The following PC variants were observed in gnomAD, a reference collection of about 807,000 sequenced individuals.
PC encodes pyruvate carboxylase, also known as pyruvate carboxylase, mitochondrial.
In PC, 46 loss-of-function variants were observed where a neutral mutation model predicts 107.8. The observed-to-expected ratio is 0.43, with a 90% CI of 0.34 to 0.55. The LOEUF is 0.55. PC is among the 20% of genes least tolerant of loss of function. The pLI is 0.04. For missense variants in PC, 1,241 were observed against 1,643.1 expected, an observed-to-expected ratio of 0.76 and a Z score of 4.23; for synonymous variants, 662 against 684.7, an observed-to-expected ratio of 0.97 and a Z score of 0.52.
intron 3 of PC, among the ~76,000 whole-genome samples, chr11:66,926,696 G>C (rs1277852418): frequency 6.6e-6 from 1 of 152,070 alleles, no homozygotes; most frequent in East Asian, 1.9e-4. Context: ...AAGAAACCTG[G>C]TACCACTAGC....
intron 3 of PC, among the ~76,000 whole-genome samples, chr11:66,872,380 T>C (rs535082815): frequency 1.3e-5 from 2 of 152,126 alleles, no homozygotes; most frequent in African/African-American, 4.8e-5. Flanking sequence ...ACTGTGACTT[T>C]ATTGTTGTAG....
chr11:66,957,314 T>C (rs1055664244), intron 1 of PC, among the ~76,000 whole-genome samples: 5 of 152,176 alleles, frequency 3.3e-5, no homozygotes, highest in Admixed American at 6.5e-5. Context: ...TCTCACAAAA[T>C]AAAGACACAA....
At chr11:66,935,171 T>C (rs950013576) in intron 3 of PC, among the ~76,000 whole-genome samples, 2 of 152,256 alleles carry the variant, frequency 1.3e-5, no homozygotes, top group African/African-American at 4.8e-5. Context: ...CTTGGAGTAC[T>C]GCCCAGTAAT....
At chr11:66,955,996 C>T (rs1233317535) in intron 1 of PC, among the ~76,000 whole-genome samples, 1 of 152,006 alleles carries the variant, frequency 6.6e-6, no homozygotes, top group Non-Finnish European at 1.5e-5. Flanking sequence ...TGGTCTCGAA[C>T]TCCTGACCTC....
At chr11:66,914,163 T>C (rs7935749) in intron 3 of PC, among the ~76,000 whole-genome samples, 78,588 of 151,956 alleles carry the variant, frequency 0.52, 20,653 homozygotes, top group Non-Finnish European at 0.55. Flanking sequence ...ATTTTTACAA[T>C]GTATTCCTGC....
intron 3 of PC, among the ~76,000 whole-genome samples, chr11:66,923,824 CAAAGGGTTTA>C (rs1366593108): frequency 8.1e-6 from 1 of 123,250 alleles, no homozygotes; most frequent in Non-Finnish European, 1.6e-5. Context: ...CCGGCCAATA[CAAAGGGTTTA>C]AAAGGTCACA....
chr11:66,918,556 A>G (rs1475767596), intron 3 of PC, among the ~76,000 whole-genome samples: 1 of 151,738 alleles, frequency 6.6e-6, no homozygotes, highest in East Asian at 1.9e-4. Flanking sequence ...GTATTTTTGT[A>G]GAGATGGGGT....
intron 3 of PC, among the ~76,000 whole-genome samples, chr11:66,903,668 A>T (rs1948038860): frequency 6.9e-6 from 1 of 145,120 alleles, no homozygotes; most frequent in Admixed American, 6.9e-5. Context: ...GAATCACTTC[A>T]ACCTGGGAGG....
At chr11:66,925,124 G>A (rs368488661) in intron 3 of PC, among the ~76,000 whole-genome samples, 40 of 152,188 alleles carry the variant, frequency 2.6e-4, no homozygotes, top group Admixed American at 2.6e-3. Context: ...GAGGCAGGGC[G>A]AGATCACAGG....
chr11:66,921,791 C>T (rs1591285339), intron 3 of PC, among the ~76,000 whole-genome samples: 1 of 152,184 alleles, frequency 6.6e-6, no homozygotes, highest in East Asian at 1.9e-4. Flanking sequence ...AACTTAGTTG[C>T]CATGATTATT....
At chr11:66,888,076 G>A (rs963244873) in intron 3 of PC, among the ~76,000 whole-genome samples, 4 of 152,176 alleles carry the variant, frequency 2.6e-5, no homozygotes, top group East Asian at 1.9e-4. Flanking sequence ...TGGATGATCC[G>A]GGATCACCTT....
chr11:66,924,418 A>C (rs560932845), intron 3 of PC, among the ~76,000 whole-genome samples: 2 of 140,894 alleles, frequency 1.4e-5, no homozygotes, highest in East Asian at 4.2e-4. Flanking sequence ...GCACACCTCA[A>C]TTAAAAAAAA....
intron 3 of PC, among the ~76,000 whole-genome samples, chr11:66,918,361 C>T (rs1948511174): frequency 1.3e-5 from 2 of 150,994 alleles, no homozygotes; most frequent in Admixed American, 6.6e-5. Context: ...AGAGTGAGAC[C>T]TTATTTCAAA....
chr11:66,911,973 T>G (rs1948346528), intron 3 of PC, among the ~76,000 whole-genome samples: 1 of 150,812 alleles, frequency 6.6e-6, no homozygotes, highest in South Asian at 2.1e-4. Flanking sequence ...GCAGAGGTTG[T>G]GGTGAGCCAA....
intron 2 of PC, among the ~76,000 whole-genome samples, chr11:66,953,618 G>C (rs1444431165): frequency 6.6e-6 from 1 of 152,192 alleles, no homozygotes; most frequent in African/African-American, 2.4e-5. Context: ...TGCCTTGACA[G>C]ATAACGTCAA....
intron 3 of PC, among the ~76,000 whole-genome samples, chr11:66,902,730 A>G (rs1237003692): frequency 2.0e-5 from 3 of 152,160 alleles, no homozygotes; most frequent in Non-Finnish European, 4.4e-5. Flanking sequence ...CTCCAGCTGT[A>G]TCACATCACA....
rs1949242997 is a variant in PC, at chr11:66,944,622, T to TAGA, written c.-1+7807_-1+7808insTCT. On this transcript the variant is annotated intron_variant, in intron 3 of 22. Coordinates refer to ENST00000393960, the MANE Select transcript of PC (RefSeq NM_001040716.2). Reference sequence around the variant, plus strand: ...AATAAATAAATAAATTTCTATTGTTTATAAATTACCTAGAATAAGGTTATT... The same window carrying TAGA: ...AATAAATAAATAAATTTCTATTGTTTAGAATAAATTACCTAGAATAAGGTTATT... Among the ~76,000 whole-genome samples, 4 of 117,578 alleles carry TAGA rather than the reference T, an allele frequency of 3.4e-5. 1 individual carries two copies. Among genetic ancestry groups the TAGA allele is most frequent in the African/African-American group, 1.2e-4 (4 of 32,834 alleles). 77.1% of individuals were successfully genotyped at this position (117,578 alleles called of 152,430 possible).
intron 3 of PC, among the ~76,000 whole-genome samples, chr11:66,938,427 A>G (rs1236343390): frequency 6.6e-6 from 1 of 152,144 alleles, no homozygotes; most frequent in Non-Finnish European, 1.5e-5. Flanking sequence ...AGAGGTTTTC[A>G]TCCCCCAAAA....
intron 3 of PC, among the ~76,000 whole-genome samples, chr11:66,912,457 C>T (rs534581838): frequency 4.6e-5 from 7 of 152,348 alleles, no homozygotes; most frequent in Middle Eastern, 6.8e-3. Flanking sequence ...AGCTTCTTCA[C>T]CTTGGGACAC....
Sources: allele counts gnomAD v4.1 joint callset (sites outside exome capture counted in the v4.1 genomes callset), GRCh38; gene constraint gnomAD v4.1.1; transcripts MANE v1.5; gene names NCBI Gene and HGNC (gene_info 2026-07-23, HGNC 2026-07-21).